The following RASA4 variants were observed in gnomAD, a reference collection of about 807,000 sequenced individuals.
RASA4 encodes RAS p21 protein activator 4.
In RASA4, 5 loss-of-function variants were observed where a neutral mutation model predicts 24.0. The ratio of observed to expected loss-of-function variants is 0.21; its 90% CI spans 0.11 to 0.44. RASA4 has a LOEUF of 0.44. Ranked by LOEUF, RASA4 falls within the 20% of genes least tolerant of loss-of-function variation. The probability of loss-of-function intolerance (pLI) is 0.99; values close to 1 mark genes in which losing one functional copy is unlikely to be tolerated. For missense variants in RASA4, 38 were observed against 293.0 expected (o/e 0.13, Z 6.35); for synonymous variants, 9 against 132.7 (o/e 0.07, Z 6.41).
At chr7:102,598,360 A>AATATATAT (rs561434146) in intron 8 of RASA4, among the ~76,000 whole-genome samples, 1 of 126,490 alleles carries the variant, frequency 7.9e-6, no homozygotes, top group African/African-American at 2.9e-5. Flanking sequence ...AAAAAAAAAA[A>AATATATAT]ATATATATAT....
Position 102,599,585 on chromosome 7 carries a change from C to T in RASA4, c.737+275G>A, listed in dbSNP as rs1435805116. Reference sequence around the variant, plus strand: ...CCGGGAGGCGGAGCCTGCAGTGAGTCGAGATCACGCCATTGCACTCCAGCC... The same window carrying T: ...CCGGGAGGCGGAGCCTGCAGTGAGTTGAGATCACGCCATTGCACTCCAGCC... On this transcript the variant is annotated intron_variant, in intron 8 of 20. Coordinates refer to ENST00000262940, the MANE Select transcript of RASA4 (RefSeq NM_006989.6). Among the ~76,000 whole-genome samples, 6 of 138,656 alleles carry T rather than the reference C, an allele frequency of 4.3e-5. No homozygotes were observed. In the Admixed American group the frequency reaches 4.3e-4, roughly 10 times the overall value. 91.0% of individuals were successfully genotyped at this position (138,656 alleles called of 152,430 possible).
intron 8 of RASA4, among the ~76,000 whole-genome samples, chr7:102,599,292 C>CA (rs1790348218): frequency 8.4e-5 from 1 of 11,862 alleles, no homozygotes; most frequent in African/African-American, 2.5e-4. Flanking sequence ...GACTCCATCT[C>CA]AAAAAAAAGA....
At chr7:102,613,822 T>C (rs1790955111) in intron 1 of RASA4, among the ~76,000 whole-genome samples, 1 of 152,020 alleles carries the variant, frequency 6.6e-6, no homozygotes, top group African/African-American at 2.4e-5. Flanking sequence ...AGTGGGTCAC[T>C]GGTCATCGTG....
chr7:102,610,372 G>A (rs2133486411), intron 2 of RASA4, among the ~76,000 whole-genome samples: 1 of 137,944 alleles, frequency 7.2e-6, no homozygotes, highest in East Asian at 2.1e-4. Context: ...ACTCAGGTGG[G>A]CAGAACAGTA....
chr7:102,605,832 C>T (rs1330675803), intron 5 of RASA4, 26 bp downstream of exon 5: 4 of 1,542,778 alleles, frequency 2.6e-6, no homozygotes, highest in Non-Finnish European at 3.5e-6. Flanking sequence ...GGACCCACTG[C>T]CCGCCCCCAG....
intron 5 of RASA4, among the ~76,000 whole-genome samples, chr7:102,604,612 A>AG (rs1790537554): frequency 2.2e-5 from 2 of 91,920 alleles, no homozygotes; most frequent in African/African-American, 7.8e-5. Context: ...GAAGCGGGTG[A>AG]GTTGGGGTGG....
intron 16 of RASA4, among the ~76,000 whole-genome samples, chr7:102,590,933 T>C (rs1165196103): frequency 5.1e-5 from 7 of 136,644 alleles, no homozygotes; most frequent in African/African-American, 1.5e-4. Flanking sequence ...AAAGCGAAAC[T>C]CCATCTCAAA....
intron 16 of RASA4, among the ~76,000 whole-genome samples, chr7:102,590,896 C>G (rs1414789496): frequency 7.1e-6 from 1 of 141,494 alleles, no homozygotes; most frequent in African/African-American, 2.8e-5. Flanking sequence ...GCCAAGATCG[C>G]ACCATTGCAC....
chr7:102,594,948 C>G (rs1405796742), intron 11 of RASA4, among the ~76,000 whole-genome samples: 1 of 53,488 alleles, frequency 1.9e-5, no homozygotes, highest in Middle Eastern at 8.1e-3. Flanking sequence ...GGCGTGAGCT[C>G]ACTACAACCT....
At chr7:102,597,714 G>A (rs1442036201) in intron 8 of RASA4, among the ~76,000 whole-genome samples, 3 of 141,256 alleles carry the variant, frequency 2.1e-5, no homozygotes, top group East Asian at 2.1e-4. Context: ...ATGAGCCACC[G>A]CACCCGGCTG....
chr7:102,616,439 GTTGTCACCCCGT>G (rs1791001120), intron 1 of RASA4, 174 bp downstream of exon 1: 1 of 844,390 alleles, frequency 1.2e-6, no homozygotes, highest in South Asian at 2.0e-5. Context: ...CCGCCCCCCG[GTTGTCACCCCGT>G]CTGGTGCTCG....
intron 5 of RASA4, among the ~76,000 whole-genome samples, chr7:102,604,036 C>A (rs1586850679): frequency 6.8e-6 from 1 of 146,988 alleles, no homozygotes. Flanking sequence ...TGGTGGTGCA[C>A]ACCTGTAATC....
chr7:102,597,885 G>A (rs1316883423), intron 8 of RASA4, among the ~76,000 whole-genome samples: 2 of 70,222 alleles, frequency 2.8e-5, no homozygotes, highest in African/African-American at 3.8e-5. Flanking sequence ...TAGTAGAGAC[G>A]GTGTTTCACC....
Position 102,616,732 on chromosome 7 carries a change from G to C in RASA4, c.-43C>G. 1 of 1,594,206 alleles carries C rather than the reference G, an allele frequency of 6.3e-7. No individual in the cohort carries two copies. The highest frequency in any genetic ancestry group is 8.5e-7 in the Non-Finnish European group (1 of 1,170,434). ...GGGGAAGCCAGACACCGGGGTCCGG[G>C]GTGGCGGGCGGCGGGCGCTGGACTG... On this transcript the variant is annotated 5_prime_UTR_variant, in exon 1 of 21. Coordinates refer to ENST00000262940, the MANE Select transcript of RASA4 (RefSeq NM_006989.6).
intron 16 of RASA4, among the ~76,000 whole-genome samples, chr7:102,590,881 G>T (rs201260297): frequency 7.6e-6 from 1 of 130,760 alleles, no homozygotes; most frequent in Non-Finnish European, 1.6e-5. Context: ...CGGAGGTTGC[G>T]GTGAGCCAAG....
chr7:102,597,671 G>A (rs553548885), intron 8 of RASA4, among the ~76,000 whole-genome samples: 14 of 141,938 alleles, frequency 9.9e-5, no homozygotes, highest in South Asian at 5.3e-4. Flanking sequence ...TGATCCACCC[G>A]CCTCGGCCAC....
intron 4 of RASA4, among the ~76,000 whole-genome samples, chr7:102,606,784 T>C (rs1164416126): frequency 8.4e-4 from 56 of 66,544 alleles, no homozygotes; most frequent in African/African-American, 8.4e-4. Flanking sequence ...CGATTATAAG[T>C]GTGGGCCGCT....
chr7:102,605,919 G>C lies in RASA4; in HGVS notation c.367C>G (p.Arg123Gly). ...DEEVQGEIHL[R>G]LEVWPGARAC... is the part of the protein sequence containing the mutation. ...CGGGCCCCTGGCCACACTTCCAGCC[G>C]CAGGTGGATCTCGCCCTGCACCTCC... Residue 123 changes from arginine (R) to glycine (G), a missense_variant, in exon 5 of 21, where the codon CGG becomes GGG. Coordinates refer to ENST00000262940, the MANE Select transcript of RASA4 (RefSeq NM_006989.6). 1 of 1,594,892 alleles carries C rather than the reference G, an allele frequency of 6.3e-7. No individual in the cohort carries two copies. Among genetic ancestry groups the C allele is most frequent in the South Asian group, 1.1e-5 (1 of 89,132 alleles).
At chr7:102,599,539 A>G (rs2133463665) in intron 8 of RASA4, among the ~76,000 whole-genome samples, 1 of 110,414 alleles carries the variant, frequency 9.1e-6, no homozygotes, top group East Asian at 3.2e-4. Context: ...TGGGAGGCTG[A>G]GGCAGGAGAA....
Sources: gnomAD v4.1 joint callset for allele counts (sites outside exome capture counted in the v4.1 genomes callset) on GRCh38, gnomAD v4.1.1 for gene constraint, MANE v1.5 for transcripts, NCBI Gene and HGNC (gene_info 2026-07-23, HGNC 2026-07-21) for gene names.